Variants in TRDN observed in about 807,000 individuals in gnomAD.
TRDN encodes triadin in skeletal muscle.
A neutral mutation model predicts 149.7 loss-of-function variants in TRDN; 161 were observed. The observed-to-expected ratio is 1.08, with a 90% CI of 0.95 to 1.23. The LOEUF is 1.23. Ranked by LOEUF, TRDN falls within the 50% of genes most tolerant of loss-of-function variation. TRDN has a pLI of 0.00. For missense variants in TRDN, 896 were observed against 823.5 expected, an observed-to-expected ratio of 1.09 and a Z score of -1.08; for synonymous variants, 294 against 250.5, an observed-to-expected ratio of 1.17 and a Z score of -1.64.
At chr6:123,555,727 T>A (rs951561183) in intron 2 of TRDN, among the ~76,000 whole-genome samples, 5 of 152,178 alleles carry the variant, frequency 3.3e-5, no homozygotes, top group Non-Finnish European at 7.4e-5. Flanking sequence ...GATCCTCTTT[T>A]TATATTCACT....
At chr6:123,585,143 G>GT (rs200112971) in intron 1 of TRDN, among the ~76,000 whole-genome samples, 5,858 of 138,074 alleles carry the variant, frequency 0.042, 202 homozygotes, top group Middle Eastern at 0.072. Context: ...GTGGGTTAAG[G>GT]TGGGGGAATA....
At chr6:123,230,476 T>A (rs1775558043) in intron 38 of TRDN, among the ~76,000 whole-genome samples, 1 of 151,758 alleles carries the variant, frequency 6.6e-6, no homozygotes, top group South Asian at 2.1e-4. Flanking sequence ...ACATGGCACA[T>A]GTTTACATAT....
chr6:123,253,313 G>T (rs1776443088), intron 37 of TRDN, among the ~76,000 whole-genome samples: 1 of 151,984 alleles, frequency 6.6e-6, no homozygotes, highest in Non-Finnish European at 1.5e-5. Flanking sequence ...TAAAGAGCCA[G>T]ACTAGAAAAT....
intron 10 of TRDN, among the ~76,000 whole-genome samples, chr6:123,451,572 G>A (rs1775775177): frequency 6.6e-6 from 1 of 151,984 alleles, no homozygotes; most frequent in Non-Finnish European, 1.5e-5. Context: ...ACCCTAAGCA[G>A]ACCAATAACA....
At chr6:123,607,665 G>A (rs2114668844) in intron 1 of TRDN, among the ~76,000 whole-genome samples, 1 of 152,172 alleles carries the variant, frequency 6.6e-6, no homozygotes, top group African/African-American at 2.4e-5. Flanking sequence ...TATACAACTT[G>A]CAGATTATGT....
At chr6:123,460,605 G>A (rs1477787756) in intron 10 of TRDN, among the ~76,000 whole-genome samples, 11 of 151,980 alleles carry the variant, frequency 7.2e-5, no homozygotes, top group Admixed American at 6.6e-4. Context: ...TGGAGTTAAT[G>A]AAATAAAAAT....
At chr6:123,555,841 G>A (rs1354478075) in intron 2 of TRDN, among the ~76,000 whole-genome samples, 1 of 152,114 alleles carries the variant, frequency 6.6e-6, no homozygotes, top group Non-Finnish European at 1.5e-5. Context: ...ATAATGAAAT[G>A]CAGAGGTGGA....
rs1370605647 is a variant in TRDN at position 123,499,717 on chromosome 6, AAAATATATAT to A, written c.794-2475_794-2466del. On this transcript the variant is annotated intron_variant, in intron 8 of 40. Coordinates refer to ENST00000334268, the MANE Select transcript of TRDN (RefSeq NM_006073.4). ...AGATTCTGGCTCAAAAAAAAAAAAA[AAAATATATAT>A]ATATATATATATATATAGTTACAGC... 4.7e-3 allele frequency among the ~76,000 whole-genome samples: 263 copies of A among 55,732 alleles called. 11 individuals carry two copies. The highest frequency in any genetic ancestry group is 0.014 in the African/African-American group (254 of 18,238). 36.6% of individuals were successfully genotyped at this position (55,732 alleles called of 152,430 possible).
Position 123,218,389 on chromosome 6 carries a change from C to T in TRDN, c.*212G>A. 4.2e-6 allele frequency: 2 copies of T among 478,526 alleles called. No homozygotes were observed. Among genetic ancestry groups the T allele is most frequent in the Admixed American group, 3.7e-5 (1 of 26,792 alleles). 29.6% of individuals were successfully genotyped at this position (478,526 alleles called of 1,614,324 possible). Reference sequence around the variant, plus strand: ...AAGCACCCCCTCCCACCGCAGCAAACACACATAACAGATTCTTGAGACTTA... The same window carrying T: ...AAGCACCCCCTCCCACCGCAGCAAATACACATAACAGATTCTTGAGACTTA... On this transcript the variant is annotated 3_prime_UTR_variant, in exon 41 of 41. Coordinates refer to ENST00000334268, the MANE Select transcript of TRDN (RefSeq NM_006073.4).
chr6:123,529,258 C>T (rs1165931308), intron 5 of TRDN: 1 of 1,548,900 alleles, frequency 6.5e-7, no homozygotes, highest in Admixed American at 2.0e-5. Flanking sequence ...TCATGGTTCG[C>T]TTAGTCAATC....
At chr6:123,405,270 CA>C (rs1452235826) in intron 12 of TRDN, among the ~76,000 whole-genome samples, 3 of 151,976 alleles carry the variant, frequency 2.0e-5, no homozygotes, top group Non-Finnish European at 2.9e-5. Context: ...AATGCTAGTA[CA>C]AAAAAACAAT....
At chr6:123,290,028 C>T (rs1163144315) in intron 24 of TRDN, among the ~76,000 whole-genome samples, 1 of 152,046 alleles carries the variant, frequency 6.6e-6, no homozygotes, top group African/African-American at 2.4e-5. Flanking sequence ...GACCCAAGAC[C>T]CAGTGGAAAG....
intron 12 of TRDN, among the ~76,000 whole-genome samples, chr6:123,407,804 G>C (rs1773258780): frequency 6.6e-6 from 1 of 152,054 alleles, no homozygotes; most frequent in Admixed American, 6.5e-5. Flanking sequence ...TAAGGTCTCT[G>C]CCTTTTATAA....
Position 123,548,567 on chromosome 6 carries a change from C to T in TRDN, c.278G>A (p.Arg93His), listed in dbSNP as rs1371219098. The part of the protein sequence containing the change: ...KIGSDPLKLV[R>H]DAMEETTDWI... Reference sequence around the variant, plus strand: ...GTCCGTGGTTTCCTCCATAGCATCACGTACCAGTTTTAAAGGATCTGAGCC... The same window carrying T: ...GTCCGTGGTTTCCTCCATAGCATCATGTACCAGTTTTAAAGGATCTGAGCC... Residue 93 changes from arginine (R) to histidine (H), a missense_variant, in exon 3 of 41, where the codon CGT becomes CAT. Arg to His is a conservative substitution (Grantham distance 29, BLOSUM62 0). Transcript: ENST00000334268. The T allele has an allele frequency of 5.1e-6, 8 of 1,558,950 alleles. No homozygotes were observed. The highest frequency in any genetic ancestry group is 4.7e-5 in the East Asian group (2 of 42,848).
At chr6:123,436,818 T>C (rs1185019029) in intron 12 of TRDN, among the ~76,000 whole-genome samples, 1 of 152,120 alleles carries the variant, frequency 6.6e-6, no homozygotes, top group African/African-American at 2.4e-5. Context: ...CTTTAAGTTC[T>C]TAATAGCTGA....
chr6:123,499,723 T>TATAC (rs1359886409), intron 8 of TRDN, among the ~76,000 whole-genome samples: 6 of 35,992 alleles, frequency 1.7e-4, no homozygotes, highest in African/African-American at 5.1e-4. Context: ...AAAAAAAATA[T>TATAC]ATATATATAT....
intron 1 of TRDN, among the ~76,000 whole-genome samples, chr6:123,601,779 G>T (rs1562419427): frequency 6.6e-6 from 1 of 152,092 alleles, no homozygotes; most frequent in African/African-American, 2.4e-5. Context: ...TTACTTGTTT[G>T]TTAGGTTAAC....
At chr6:123,590,215 C>T (rs991650954) in intron 1 of TRDN, among the ~76,000 whole-genome samples, 4 of 152,074 alleles carry the variant, frequency 2.6e-5, no homozygotes, top group South Asian at 2.1e-4. Flanking sequence ...CTTGCATTAC[C>T]GCCTGAGCTC....
At chr6:123,242,388 C>A (rs548256032) in intron 38 of TRDN, among the ~76,000 whole-genome samples, 2 of 152,024 alleles carry the variant, frequency 1.3e-5, no homozygotes, top group Non-Finnish European at 2.9e-5. Context: ...ATAATAAAAT[C>A]TCACACATCC....
Sources: allele counts gnomAD v4.1 joint callset (sites outside exome capture counted in the v4.1 genomes callset), GRCh38; gene constraint gnomAD v4.1.1; transcripts MANE v1.5; gene names NCBI Gene and HGNC (gene_info 2026-07-23, HGNC 2026-07-21).